The following SV2A variants were observed in gnomAD, a reference collection of about 807,000 sequenced individuals.
SV2A encodes the protein synaptic vesicle glycoprotein 2A.
SV2A carries 25 observed loss-of-function variants against 78.0 expected under a neutral mutation model. The ratio of observed to expected loss-of-function variants is 0.32; its 90% CI spans 0.23 to 0.45. The LOEUF (loss-of-function observed/expected upper bound fraction) is 0.45. SV2A is among the 20% of genes least tolerant of loss of function. The probability of loss-of-function intolerance (pLI) is 1.00; values close to 1 mark genes in which losing one functional copy is unlikely to be tolerated. For synonymous variants in SV2A, 355 were observed against 384.7 expected (o/e 0.92, Z 0.90); for missense variants, 752 against 971.5 (o/e 0.77, Z 3.00).
intron 8 of SV2A, among the ~76,000 whole-genome samples, 181 bp downstream of exon 8, chr1:149,909,011 C>T (rs922910779): frequency 2.0e-5 from 3 of 152,112 alleles, no homozygotes; most frequent in South Asian, 2.1e-4. Context: ...TCCTGGTCAG[C>T]CTACAGTACA....
rs1553763637 is a variant in SV2A at position 149,910,841 on chromosome 1, T to C, written c.940A>G (p.Ile314Val). ...GGCTGCTCACCATAGTGGGGGATGATGGCCCAGGCCATAGCAGCTGCGTAC... is the reference window on the plus strand; with the variant it reads ...GGCTGCTCACCATAGTGGGGGATGACGGCCCAGGCCATAGCAGCTGCGTAC... Reference protein sequence around the residue: ...GVYAAAMAWAIIPHYGWSFQM... With the variant: ...GVYAAAMAWAVIPHYGWSFQM... The change falls in exon 4 of 13, where the codon ATC (isoleucine) becomes GTC (valine). Residue 314 changes from isoleucine (I) to valine (V), a missense_variant. Ile to Val is a conservative substitution (Grantham distance 29). Coordinates refer to ENST00000369146, the MANE Select transcript of SV2A (RefSeq NM_014849.5). This position sits in a 1 kb window ranked among gnomAD's most constrained non-coding sequence, Gnocchi z 4.2. The C allele has an allele frequency of 5.6e-6, 9 of 1,613,846 alleles. No homozygotes were observed. Among genetic ancestry groups the C allele is most frequent in the East Asian group, 2.2e-5 (1 of 44,890 alleles).
rs1282829730 is a variant in SV2A, at chr1:149,906,919, CT to C, written c.1679-64del. 3.8e-6 allele frequency: 6 copies of C among 1,594,718 alleles called. No individual in the cohort carries two copies. The Admixed American group carries it at 1.1e-4, about 28-fold the overall frequency. ...AGATGGGAGAGGGAGGCTGTTACGG[CT>C]TATGGCTCAGGGCTCTGCATGTATG... On this transcript the variant is annotated intron_variant, in intron 10 of 12. Coordinates refer to ENST00000369146, the MANE Select transcript of SV2A (RefSeq NM_014849.5).
rs1553762501 is a variant in SV2A, at chr1:149,905,106, C to A, written c.2137G>T (p.Ala713Ser). The A allele has an allele frequency of 1.9e-6, 3 of 1,613,222 alleles. No individual in the cohort carries two copies. The highest frequency in any genetic ancestry group is 2.5e-6 in the Non-Finnish European group (3 of 1,179,670). The change falls in exon 13 of 13, where the codon GCT (alanine) becomes TCT (serine). Residue 713 changes from alanine (A) to serine (S), a missense_variant. Coordinates refer to ENST00000369146, the MANE Select transcript of SV2A (RefSeq NM_014849.5). Reference sequence around the variant, plus strand: ...GCTGAGGCAAAGAGGATGGGTGCAGCCTTGGTGATTCCCACGAAGGATGTG... The same window carrying A: ...GCTGAGGCAAAGAGGATGGGTGCAGACTTGGTGATTCCCACGAAGGATGTG... ...IFTSFVGITK[A>S]APILFASAAL...
At chr1:149,915,378 C>A (rs1426096174) in intron 1 of SV2A, among the ~76,000 whole-genome samples, 1 of 152,062 alleles carries the variant, frequency 6.6e-6, no homozygotes, top group African/African-American at 2.4e-5. Flanking sequence ...GTAGCTGGGC[C>A]CACATTAACT....
rs2092435338 is a variant in SV2A, at chr1:149,905,999, C to T, written c.1926G>A (p.Leu642=). The change falls in exon 12 of 13, where the codon CTG becomes CTA. Residue 642 remains leucine (L), a synonymous_variant. Coordinates refer to ENST00000369146, the MANE Select transcript of SV2A (RefSeq NM_014849.5). The part of the protein sequence containing the change: ...SVMSCVSCFF[L]SFGNSESAMI... ...TGGCCGACTCACTGTTCCCAAAAGA[C>T]AGGAAGAAGCAGGAGACACAGGACA... 2 of 1,614,036 alleles carry T rather than the reference C, an allele frequency of 1.2e-6. No individual in the cohort carries two copies. The highest frequency in any genetic ancestry group is 2.7e-5 in the African/African-American group (2 of 74,904).
At chr1:149,905,792 C>T in intron 12 of SV2A, 88 bp downstream of exon 12, 4 of 1,535,562 alleles carry the variant, frequency 2.6e-6, no homozygotes, top group Non-Finnish European at 3.6e-6. Flanking sequence ...TCCTCTCACC[C>T]CTAAGGATGC....
Position 149,913,730 on chromosome 1 carries a change from G to C in SV2A, c.111C>G (p.Val37=), listed in dbSNP as rs782791175. ...AKKVVKGLDR[V]QDEYSRRSYS... is the part of the protein sequence containing the mutation. ...ACGATCTTCGGGAATATTCGTCCTG[G>C]ACTCTGTCCAGGCCCTTCACCACCT... Residue 37 remains valine (V), a synonymous_variant, in exon 2 of 13, where the codon GTC becomes GTG. Transcript: ENST00000369146. The C allele has an allele frequency of 6.2e-7, 1 of 1,614,000 alleles. No homozygotes were observed. The highest frequency in any genetic ancestry group is 8.5e-7 in the Non-Finnish European group (1 of 1,180,006).
chr1:149,905,736 C>G (rs2092433387), intron 12 of SV2A, 144 bp downstream of exon 12: 1 of 1,188,518 alleles, frequency 8.4e-7, no homozygotes, highest in Non-Finnish European at 1.2e-6. Context: ...AGTCACCGTG[C>G]CCGGCCAAAG....
chr1:149,911,785 G>A lies in SV2A; in HGVS notation c.803+15C>T. 1.2e-6 allele frequency: 2 copies of A among 1,612,730 alleles called. No individual in the cohort carries two copies. Among genetic ancestry groups the A allele is most frequent in the Non-Finnish European group, 1.7e-6 (2 of 1,179,168 alleles). On this transcript the variant is annotated intron_variant, in intron 3 of 12. Coordinates refer to ENST00000369146, the MANE Select transcript of SV2A (RefSeq NM_014849.5). Reference sequence around the variant, plus strand: ...ACAGTCCTGCCCTCAAGGGACTTAGGAAGTGTACACTCACCCAACCCCAGA... The same window carrying A: ...ACAGTCCTGCCCTCAAGGGACTTAGAAAGTGTACACTCACCCAACCCCAGA...
In SV2A at chr1:149,910,726, A is replaced by C. The variant is rs781912790; in HGVS notation, c.956-23T>G. Reference sequence around the variant, plus strand: ...ACCCTGGTAGGGAGAAAGTGACAGCATCAGCAGAGAGGCCAGAGGCTGGGG... The same window carrying C: ...ACCCTGGTAGGGAGAAAGTGACAGCCTCAGCAGAGAGGCCAGAGGCTGGGG... On this transcript the variant is annotated intron_variant, in intron 4 of 12. Transcript: ENST00000369146. This position sits in a 1 kb window ranked among gnomAD's most constrained non-coding sequence, Gnocchi z 4.2. 3.7e-6 allele frequency: 6 copies of C among 1,613,508 alleles called. No homozygotes were observed. Among genetic ancestry groups the C allele is most frequent in the Non-Finnish European group, 4.2e-6 (5 of 1,179,720 alleles).
At chr1:149,912,862 A>G (rs2092484325) in intron 2 of SV2A, among the ~76,000 whole-genome samples, 2 of 148,944 alleles carry the variant, frequency 1.3e-5, no homozygotes, top group Non-Finnish European at 3.0e-5. Flanking sequence ...TTGTTCCCCA[A>G]TCAGTGAAAG....
chr1:149,909,290 A>T lies in SV2A; in HGVS notation c.1291-10T>A. 1 of 1,613,854 alleles carries T rather than the reference A, an allele frequency of 6.2e-7. No individual in the cohort carries two copies. Among genetic ancestry groups the T allele is most frequent in the Non-Finnish European group, 8.5e-7 (1 of 1,179,834 alleles). On this transcript the variant is annotated splice_polypyrimidine_tract_variant and intron_variant, in intron 7 of 12. Coordinates refer to ENST00000369146, the MANE Select transcript of SV2A (RefSeq NM_014849.5). ...GAAAATTCCCCCAAACCTACAGGGG[A>T]CCAGACAAAGTCAGACCTTGACTAT...
At position 149,913,931 on chromosome 1, in the gene SV2A, C is replaced by T; in HGVS notation, c.-91G>A. The T allele has an allele frequency of 6.6e-7, 1 of 1,505,810 alleles. No individual in the cohort carries two copies. Among genetic ancestry groups the T allele is most frequent in the Non-Finnish European group, 8.8e-7 (1 of 1,130,146 alleles). The allele number at this position is 1,505,810 out of a possible 1,614,324, so 93.3% of individuals were successfully genotyped here. ...AGGACTTGTAGAGTCAAAAAGACCCCTCCCCACAGTTACTTAGATGAAGCG... is the reference window on the plus strand; with the variant it reads ...AGGACTTGTAGAGTCAAAAAGACCCTTCCCCACAGTTACTTAGATGAAGCG... On this transcript the variant is annotated 5_prime_UTR_variant, in exon 2 of 13. Transcript: ENST00000369146.
Position 149,908,191 on chromosome 1 carries a change from G to C in SV2A, c.1395C>G (p.Thr465=). The C allele has an allele frequency of 6.2e-7, 1 of 1,614,002 alleles. No homozygotes were observed. The highest frequency in any genetic ancestry group is 1.1e-5 in the South Asian group (1 of 91,062). Reference sequence around the variant, plus strand: ...GGCGGATCATGTCAGGAAACCAGACGGTCAGGCCATAGTAGCTGAAGAGTC... The same window carrying C: ...GGCGGATCATGTCAGGAAACCAGACCGTCAGGCCATAGTAGCTGAAGAGTC... The part of the protein sequence containing the change: ...FTMSFSYYGL[T]VWFPDMIRHL... Residue 465 remains threonine, a synonymous_variant, in exon 9 of 13, where the codon ACC becomes ACG. Coordinates refer to ENST00000369146, the MANE Select transcript of SV2A (RefSeq NM_014849.5).
At position 149,904,664 on chromosome 1, in the gene SV2A, A is replaced by C; in HGVS notation, c.*350T>G. On this transcript the variant is annotated 3_prime_UTR_variant, in exon 13 of 13. Coordinates refer to ENST00000369146, the MANE Select transcript of SV2A (RefSeq NM_014849.5). ...TTTCACCAGGGCCTAGGCAGAGGGA[A>C]TGATGGGGAAGGCAGGAAGCCTATT... is the stretch of plus-strand genomic sequence containing the variant. 2.3e-5 allele frequency: 5 copies of C among 221,334 alleles called. No individual in the cohort carries two copies. The highest frequency in any genetic ancestry group is 1.1e-4 in the East Asian group (1 of 8,804). 13.7% of individuals were successfully genotyped at this position (221,334 alleles called of 1,614,324 possible).
intron 11 of SV2A, 30 bp downstream of exon 11, chr1:149,906,620 A>G (rs1553762787): frequency 1.9e-6 from 3 of 1,611,882 alleles, no homozygotes; most frequent in East Asian, 4.5e-5. Flanking sequence ...GGCCCCTACT[A>G]TCAGATCTGA....
chr1:149,906,086 ACCCACCCACAG>A (rs782401763), intron 11 of SV2A, 47 bp from the exon 12 acceptor site: 11 of 1,603,020 alleles, frequency 6.9e-6, no homozygotes, highest in Non-Finnish European at 6.8e-6. Flanking sequence ...CCACAGTGAA[ACCCACCCACAG>A]CCCACCCTGT....
rs782464903 is a variant in SV2A at position 149,910,537 on chromosome 1, C to A, written c.1089+33G>T. ...GCCGTCCACACTCCACAGCCCGCAC[C>A]CCACCCCACCCCATGCAGCTCAGCC... On this transcript the variant is annotated intron_variant, in intron 5 of 12. Transcript: ENST00000369146. The surrounding 1 kb of genome is among the most constrained non-coding windows in gnomAD (Gnocchi z 4.2). 2 of 1,567,762 alleles carry A rather than the reference C, an allele frequency of 1.3e-6. No homozygotes were observed. The highest frequency in any genetic ancestry group is 1.2e-5 in the South Asian group (1 of 84,238).
At position 149,910,779 on chromosome 1, in the gene SV2A, G is replaced by A; in HGVS notation, c.955+47C>T. On this transcript the variant is annotated intron_variant, in intron 4 of 12. Transcript: ENST00000369146. The surrounding 1 kb of genome is among the most constrained non-coding windows in gnomAD (Gnocchi z 4.2). ...ACCCACCACAGGGAGCACAGAAGAA[G>A]AGGGAGGAGGGAGATAACCTGGGGT... 3 of 1,611,736 alleles carry A rather than the reference G, an allele frequency of 1.9e-6. No individual in the cohort carries two copies. Among genetic ancestry groups the A allele is most frequent in the Non-Finnish European group, 2.5e-6 (3 of 1,178,202 alleles).
Sources: allele counts gnomAD v4.1 joint callset (sites outside exome capture counted in the v4.1 genomes callset), GRCh38; gene constraint gnomAD v4.1.1; non-coding constraint Gnocchi (gnomAD v3.1); transcripts MANE v1.5; gene names NCBI Gene and HGNC (gene_info 2026-07-23, HGNC 2026-07-21).